NLRP4: variants seen among roughly 807,000 people sequenced by gnomAD.
NLRP4 encodes the protein NACHT, LRR and PYD domains-containing protein 4.
Under a neutral mutation model 84.7 loss-of-function variants are expected in NLRP4, and 44 were observed. The ratio of observed to expected loss-of-function variants is 0.52; its 90% confidence interval spans 0.41 to 0.67. The LOEUF (loss-of-function observed/expected upper bound fraction) is 0.67, where lower values mean the gene tolerates loss of function less well. Among genes scored for constraint, NLRP4 ranks in the 30% least tolerant of loss-of-function variants. NLRP4 has a pLI of 0.00. For missense variants in NLRP4, 1,260 were observed against 1,219.4 expected (o/e 1.03, Z -0.50); for synonymous variants, 544 against 476.4 (o/e 1.14, Z -1.85).
chr19:55,851,720 G>A (rs149062536), intron 1 of NLRP4, among the ~76,000 whole-genome samples: 2 of 152,048 alleles, frequency 1.3e-5, no homozygotes, highest in African/African-American at 2.4e-5. Context: ...CCGAGGCTGC[G>A]GTGTAATTTC....
rs376982521 is a variant in NLRP4, at chr19:55,857,655, C to T, written c.281-19C>T. The T allele has an allele frequency of 6.8e-6, 11 of 1,608,130 alleles. No individual in the cohort carries two copies. The African/African-American group carries it at 1.1e-4, about 16-fold the overall frequency. On this transcript the variant is annotated intron_variant, in intron 2 of 9. Transcript: ENST00000301295. ...CTTAACTTTGTGGGTTTTCTCTCCT[C>T]TTGCCCTCACTGACTCAGGATACAC...
At chr19:55,838,998 G>T (rs1410854727) in intron 1 of NLRP4, among the ~76,000 whole-genome samples, 1 of 149,792 alleles carries the variant, frequency 6.7e-6, no homozygotes, top group Non-Finnish European at 1.5e-5. Context: ...TGGGATACAT[G>T]TGCTGAATGT....
At position 55,871,919 on chromosome 19, in the gene NLRP4, G is replaced by A. The variant is rs1031109939; in HGVS notation, c.2525+922G>A. On this transcript the variant is annotated intron_variant, in intron 7 of 9. Coordinates refer to ENST00000301295, the MANE Select transcript of NLRP4 (RefSeq NM_134444.5). Reference sequence around the variant, plus strand: ...CGCTGAAGTACAGTGGCACAATCTCGGCTCACTGCAAGTGCTGCCTCCCGG... The same window carrying A: ...CGCTGAAGTACAGTGGCACAATCTCAGCTCACTGCAAGTGCTGCCTCCCGG... Among the ~76,000 whole-genome samples the A allele has an allele frequency of 5.4e-5, 8 of 149,264 alleles. No homozygotes were observed. The South Asian group carries it at 6.3e-4, about 12-fold the overall frequency.
intron 3 of NLRP4, among the ~76,000 whole-genome samples, chr19:55,859,945 AAAAAAAACAAAACACAAATC>A (rs1296698321): frequency 8.0e-6 from 1 of 124,340 alleles, no homozygotes; most frequent in African/African-American, 2.7e-5. Context: ...AAAAAAAAAA[AAAAAAAACAAAACACAAATC>A]ATACAAATTT....
chr19:55,864,572 C>T (rs1984880976), intron 5 of NLRP4, among the ~76,000 whole-genome samples: 2 of 152,108 alleles, frequency 1.3e-5, no homozygotes, highest in African/African-American at 2.4e-5. Flanking sequence ...GGACTTGTAA[C>T]CAGGAGTAGA....
At chr19:55,860,451 C>T (rs1313301071) in intron 3 of NLRP4, among the ~76,000 whole-genome samples, 1 of 152,068 alleles carries the variant, frequency 6.6e-6, no homozygotes, top group Non-Finnish European at 1.5e-5. Flanking sequence ...GTGGCATGTG[C>T]CTGTAGCACA....
chr19:55,853,817 T>G (rs1338978276), intron 2 of NLRP4, among the ~76,000 whole-genome samples: 3 of 151,450 alleles, frequency 2.0e-5, no homozygotes, highest in African/African-American at 7.3e-5. Context: ...TTCTCTTTCT[T>G]TCTTGCTGTC....
chr19:55,867,804 A>T lies in NLRP4; in HGVS notation c.2282A>T (p.Asn761Ile), dbSNP rs759890297. The T allele has an allele frequency of 2.5e-6, 4 of 1,614,040 alleles. No individual in the cohort carries two copies. In the African/African-American group the frequency reaches 5.3e-5, roughly 22 times the overall value. ...KKLTYLNVSC[N>I]QLDTGVPLLC... ...CTGACGTATCTGAATGTATCCTGCA[A>T]CCAGTTAGACACAGGCGTGCCCCTT... is the stretch of plus-strand genomic sequence containing the variant. The change falls in exon 6 of 10, where the codon AAC (asparagine) becomes ATC (isoleucine). Residue 761 changes from asparagine (N) to isoleucine (I), a missense_variant. Asn to Ile is a moderately radical substitution (Grantham distance 149). This residue lies in a region of NLRP4 where 544 missense variants were observed against 531.7 expected (regional missense o/e 1.02). Coordinates refer to ENST00000301295, the MANE Select transcript of NLRP4 (RefSeq NM_134444.5).
chr19:55,878,539 G>A (rs1443431236), intron 8 of NLRP4, among the ~76,000 whole-genome samples: 1 of 152,278 alleles, frequency 6.6e-6, no homozygotes, highest in African/African-American at 2.4e-5. Flanking sequence ...AAGGTATGAA[G>A]CCGGAAATAG....
At chr19:55,855,028 A>G (rs1194549943) in intron 2 of NLRP4, among the ~76,000 whole-genome samples, 1 of 152,156 alleles carries the variant, frequency 6.6e-6, no homozygotes, top group Non-Finnish European at 1.5e-5. Context: ...CTGGCCACCC[A>G]GTCCAAATTT....
intron 1 of NLRP4, among the ~76,000 whole-genome samples, chr19:55,850,003 TGATTTCCG>T (rs1983988894): frequency 2.7e-5 from 1 of 36,952 alleles, no homozygotes. Context: ...GACTGCGGTG[TGATTTCCG>T]AGACTGCGGT....
intron 1 of NLRP4, among the ~76,000 whole-genome samples, chr19:55,845,497 G>A (rs1184754468): frequency 2.0e-5 from 3 of 152,036 alleles, no homozygotes; most frequent in Non-Finnish European, 2.9e-5. Context: ...ACGTGTGCAT[G>A]TGTCTTTATA....
At chr19:55,844,264 G>A (rs1194617048) in intron 1 of NLRP4, among the ~76,000 whole-genome samples, 1 of 151,928 alleles carries the variant, frequency 6.6e-6, no homozygotes, top group Non-Finnish European at 1.5e-5. Flanking sequence ...ATTCATATGT[G>A]TCCAGATTTT....
chr19:55,837,874 A>G (rs532863700), intron 1 of NLRP4, among the ~76,000 whole-genome samples: 9 of 151,988 alleles, frequency 5.9e-5, no homozygotes. Flanking sequence ...TGTCTCTACT[A>G]AAAATACAAA....
rs144720897 is a variant in NLRP4, at chr19:55,852,952, C to A, written c.280+592C>A. On this transcript the variant is annotated intron_variant, in intron 2 of 9. Transcript: ENST00000301295. ...AGCCAGAAACTCTGTGAGGTGAAGT[C>A]GTTGCATAAGAACTATGCACCTGAC... is the stretch of plus-strand genomic sequence containing the variant. Among the ~76,000 whole-genome samples the A allele has an allele frequency of 5.3e-5, 8 of 152,312 alleles. No homozygotes were observed. In the East Asian group the frequency reaches 1.2e-3, roughly 22 times the overall value.
At chr19:55,838,215 T>G (rs140484264) in intron 1 of NLRP4, among the ~76,000 whole-genome samples, 5,632 of 151,610 alleles carry the variant, frequency 0.037, 282 homozygotes, top group East Asian at 0.21. Flanking sequence ...GGCAGGAGGA[T>G]TGCTTGAACC....
In NLRP4 at chr19:55,861,979, T is replaced by A. The variant is rs368129910; in HGVS notation, c.2019-13T>A. On this transcript the variant is annotated splice_polypyrimidine_tract_variant and intron_variant, in intron 4 of 9. Transcript: ENST00000301295. ...TAGATGAAACTCATCCAAAATTTTC[T>A]TTGTTTTTGCAGAATAAATAACGTT... The A allele has an allele frequency of 1.9e-6, 3 of 1,609,356 alleles. 1 individual carries two copies. Among genetic ancestry groups the A allele is most frequent in the Non-Finnish European group, 2.6e-6 (3 of 1,175,924 alleles).
chr19:55,870,104 A>G (rs1337562193), intron 6 of NLRP4, among the ~76,000 whole-genome samples: 1 of 152,036 alleles, frequency 6.6e-6, no homozygotes, highest in East Asian at 1.9e-4. Context: ...TCTCCAAAAA[A>G]AAAAAAGTTT....
At chr19:55,867,256 G>T (rs923176618) in intron 5 of NLRP4, among the ~76,000 whole-genome samples, 1 of 144,730 alleles carries the variant, frequency 6.9e-6, no homozygotes, top group African/African-American at 2.6e-5. Flanking sequence ...TATAACAGAT[G>T]GTGCGTCTCA....
Sources: gnomAD v4.1 joint callset for allele counts (sites outside exome capture counted in the v4.1 genomes callset) on GRCh38, gnomAD v4.1.1 for gene constraint, gnomAD v4.1.1 regional missense constraint, MANE v1.5 for transcripts, NCBI Gene and HGNC (gene_info 2026-07-23, HGNC 2026-07-21) for gene names.